SERGEF: variants seen among roughly 807,000 people sequenced by gnomAD.
SERGEF encodes secretion regulating guanine nucleotide exchange factor.
Under a neutral mutation model 50.0 loss-of-function variants are expected in SERGEF, and 51 were observed. That is an observed-to-expected ratio of 1.02 (90% CI 0.81 to 1.29). SERGEF has a LOEUF of 1.29. Among genes scored for constraint, SERGEF ranks in the 50% most tolerant of loss-of-function variants. SERGEF has a pLI of 0.00. For synonymous variants in SERGEF, 205 were observed against 212.4 expected, an observed-to-expected ratio of 0.97 and a Z score of 0.30; for missense variants, 521 against 557.0, an observed-to-expected ratio of 0.94 and a Z score of 0.65.
At chr11:17,969,270 CCT>C (rs1272758765) in intron 8 of SERGEF, among the ~76,000 whole-genome samples, 2 of 152,132 alleles carry the variant, frequency 1.3e-5, no homozygotes, top group Non-Finnish European at 2.9e-5. Context: ...GAGAAAAATC[CCT>C]GATTGAGGCC....
intron 9 of SERGEF, among the ~76,000 whole-genome samples, chr11:17,914,814 G>A (rs1215060837): frequency 6.6e-6 from 1 of 152,018 alleles, no homozygotes; most frequent in African/African-American, 2.4e-5. Flanking sequence ...TTTGTGTCAG[G>A]CACTGTTCTA....
chr11:17,822,744 A>C (rs1336372992), intron 10 of SERGEF, among the ~76,000 whole-genome samples: 2 of 152,162 alleles, frequency 1.3e-5, no homozygotes, highest in Non-Finnish European at 2.9e-5. Context: ...CGTCACCCCC[A>C]TTTTACATCG....
intron 10 of SERGEF, chr11:17,863,835 C>G (rs1415113568): frequency 6.6e-6 from 1 of 152,178 alleles, no homozygotes; most frequent in Non-Finnish European, 1.5e-5. Flanking sequence ...GAGTATTTAA[C>G]AAACACATGA....
intron 10 of SERGEF, among the ~76,000 whole-genome samples, chr11:17,795,380 C>T (rs1034697367): frequency 6.6e-6 from 1 of 152,154 alleles, no homozygotes; most frequent in African/African-American, 2.4e-5. Flanking sequence ...GTCTAGATGG[C>T]AACAGCAGGA....
intron 10 of SERGEF, among the ~76,000 whole-genome samples, chr11:17,873,986 C>G (rs189410323): frequency 1.7e-3 from 255 of 152,342 alleles, no homozygotes; most frequent in African/African-American, 6.0e-3. Flanking sequence ...GAAAGCAGAG[C>G]TGGATCTGGG....
chr11:18,009,536 T>C (rs1854154243), intron 1 of SERGEF, among the ~76,000 whole-genome samples: 1 of 152,188 alleles, frequency 6.6e-6, no homozygotes, highest in South Asian at 2.1e-4. Context: ...ACAATGACTC[T>C]GGAATCAAAG....
chr11:18,008,141 G>A, intron 1 of SERGEF, 65 bp from the exon 2 acceptor site: 2 of 1,482,350 alleles, frequency 1.3e-6, no homozygotes, highest in East Asian at 2.3e-5. Flanking sequence ...CTATTTACCT[G>A]TCTCTGTCTC....
At chr11:17,935,550 A>G (rs1852435034) in intron 9 of SERGEF, among the ~76,000 whole-genome samples, 1 of 152,170 alleles carries the variant, frequency 6.6e-6, no homozygotes, top group Admixed American at 6.6e-5. Context: ...TTAGAGAACC[A>G]ATGATTTTAT....
chr11:18,012,508 A>C, intron 1 of SERGEF: 1 of 1,114,450 alleles, frequency 9.0e-7, no homozygotes, highest in Non-Finnish European at 1.1e-6. Context: ...TCACATCTAA[A>C]GGATGCTTTC....
At chr11:17,844,603 C>G (rs767723567) in intron 10 of SERGEF, among the ~76,000 whole-genome samples, 1 of 152,176 alleles carries the variant, frequency 6.6e-6, no homozygotes, top group Admixed American at 6.5e-5. Context: ...TTTGCCAAAG[C>G]CTTGCGTCTT....
At chr11:17,910,287 T>C (rs1050503444) in intron 9 of SERGEF, among the ~76,000 whole-genome samples, 3 of 152,094 alleles carry the variant, frequency 2.0e-5, no homozygotes, top group African/African-American at 7.2e-5. Flanking sequence ...CTCACTGTGC[T>C]ACCCAGGTTA....
At chr11:17,891,370 A>G (rs534186706) in intron 9 of SERGEF, among the ~76,000 whole-genome samples, 3 of 152,318 alleles carry the variant, frequency 2.0e-5, no homozygotes, top group Admixed American at 6.5e-5. Context: ...CCTGGGCTGC[A>G]TTACATTTTT....
chr11:17,857,576 G>A lies in SERGEF; in HGVS notation c.1048+20632C>T, dbSNP rs144385508. Among the ~76,000 whole-genome samples the A allele has an allele frequency of 7.6e-4, 116 of 152,332 alleles. 2 individuals are homozygous for A. Among genetic ancestry groups the A allele is most frequent in the African/African-American group, 2.6e-3 (108 of 41,576 alleles). ...GAAAACTTCTTCAAGTAAGTTCCCA[G>A]CTGATCTTAGTAAATTTCCTTCACA... On this transcript the variant is annotated intron_variant, in intron 10 of 10. Transcript: ENST00000265965.
At chr11:17,813,608 C>T (rs1849911889) in intron 10 of SERGEF, among the ~76,000 whole-genome samples, 1 of 152,216 alleles carries the variant, frequency 6.6e-6, no homozygotes. Flanking sequence ...AGGGAGTTAA[C>T]TCTTACTCCC....
rs372736828 is a variant in SERGEF, at chr11:18,008,099, T to C, written c.61-23A>G. On this transcript the variant is annotated intron_variant, in intron 1 of 10. Coordinates refer to ENST00000265965, the MANE Select transcript of SERGEF (RefSeq NM_012139.4). Reference sequence around the variant, plus strand: ...ACCCTAGGGATGAATAAGCCAAGGATGAAAAAGTGTGGGAACCACAACTGT... The same window carrying C: ...ACCCTAGGGATGAATAAGCCAAGGACGAAAAAGTGTGGGAACCACAACTGT... 2.5e-6 allele frequency: 4 copies of C among 1,603,672 alleles called. No homozygotes were observed. In the African/African-American group the frequency reaches 5.4e-5, roughly 22 times the overall value.
chr11:17,821,933 G>A (rs1041676307), intron 10 of SERGEF, among the ~76,000 whole-genome samples: 1 of 152,158 alleles, frequency 6.6e-6, no homozygotes, highest in Non-Finnish European at 1.5e-5. Flanking sequence ...AGCACTGAAA[G>A]GGCAATTCTC....
chr11:17,979,889 A>G (rs991040718), intron 8 of SERGEF, among the ~76,000 whole-genome samples: 19 of 152,288 alleles, frequency 1.2e-4, no homozygotes, highest in African/African-American at 4.6e-4. Context: ...ACTGATCTTC[A>G]CCTGCAGACA....
intron 10 of SERGEF, chr11:17,853,408 T>A (rs1850749397): frequency 6.6e-6 from 1 of 152,226 alleles, no homozygotes; most frequent in African/African-American, 2.4e-5. Context: ...TGTAGACCTG[T>A]TAAGACGAGG....
At chr11:17,837,755 G>A (rs2133859667) in intron 10 of SERGEF, among the ~76,000 whole-genome samples, 1 of 151,400 alleles carries the variant, frequency 6.6e-6, no homozygotes, top group South Asian at 2.1e-4. Context: ...CTGCTTCCCG[G>A]GTTCAAGCGG....
Sources: allele counts gnomAD v4.1 joint callset (sites outside exome capture counted in the v4.1 genomes callset), GRCh38; gene constraint gnomAD v4.1.1; transcripts MANE v1.5; gene names NCBI Gene and HGNC (gene_info 2026-07-23, HGNC 2026-07-21).